Variants in RIMBP2 observed in about 807,000 individuals in gnomAD.
RIMBP2 encodes RIMS binding protein 2.
In RIMBP2, 48 loss-of-function variants were observed where a neutral mutation model predicts 118.6. The observed-to-expected ratio is 0.40, with a 90% confidence interval of 0.32 to 0.51. RIMBP2 has a LOEUF of 0.51. RIMBP2 is among the 20% of genes least tolerant of loss of function. RIMBP2 has a pLI of 0.41. For synonymous variants in RIMBP2, 762 were observed against 742.9 expected (o/e 1.03, Z -0.42); for missense variants, 1,551 against 1,768.3 (o/e 0.88, Z 2.20).
chr12:130,491,224 A>G (rs1363995856), intron 4 of RIMBP2, among the ~76,000 whole-genome samples: 1 of 152,180 alleles, frequency 6.6e-6, no homozygotes, highest in Admixed American at 6.5e-5. Flanking sequence ...GAAGCAGGTG[A>G]TATTTTTATT....
intron 2 of RIMBP2, among the ~76,000 whole-genome samples, chr12:130,542,577 C>T (rs1391357808): frequency 1.3e-5 from 2 of 152,160 alleles, no homozygotes; most frequent in Admixed American, 6.5e-5. Context: ...TTTTGAAGAA[C>T]TATTAAAGGA....
At chr12:130,449,576 A>G (rs1449358703) in intron 9 of RIMBP2, among the ~76,000 whole-genome samples, 2 of 151,732 alleles carry the variant, frequency 1.3e-5, no homozygotes, top group Non-Finnish European at 2.9e-5. Context: ...GGGGCTCTGG[A>G]CATGTCCCCT....
chr12:130,650,114 A>G (rs2063167932), intron 1 of RIMBP2, among the ~76,000 whole-genome samples: 1 of 151,860 alleles, frequency 6.6e-6, no homozygotes, highest in South Asian at 2.1e-4. Flanking sequence ...CAGGCAACCA[A>G]GGAGGCAGTC....
intron 6 of RIMBP2, among the ~76,000 whole-genome samples, chr12:130,461,673 T>C (rs968733588): frequency 6.6e-6 from 1 of 152,072 alleles, no homozygotes; most frequent in Non-Finnish European, 1.5e-5. Context: ...GTCCTTGCCA[T>C]AATGAGCAGG....
chr12:130,574,857 T>C (rs1016865562), intron 2 of RIMBP2, among the ~76,000 whole-genome samples: 1 of 152,086 alleles, frequency 6.6e-6, no homozygotes, highest in Admixed American at 6.5e-5. Context: ...GACAACTTCC[T>C]AGACCCCTTC....
intron 1 of RIMBP2, among the ~76,000 whole-genome samples, chr12:130,641,592 A>G (rs2141028606): frequency 6.6e-6 from 1 of 152,350 alleles, no homozygotes; most frequent in South Asian, 2.1e-4. Context: ...CTTCTCTGCT[A>G]ATCAGCCTCA....
At chr12:130,664,491 C>CA (rs1232270070) in intron 1 of RIMBP2, among the ~76,000 whole-genome samples, 10 of 111,534 alleles carry the variant, frequency 9.0e-5, no homozygotes, top group African/African-American at 3.1e-4. Context: ...GCATCACACA[C>CA]TCCCCATCCT....
rs2080798218 is a variant in RIMBP2 at position 130,469,311 on chromosome 12, C to G, written c.153+1382G>C. The G allele has an allele frequency of 6.6e-6, 1 of 152,426 alleles. No homozygotes were observed. The highest frequency in any genetic ancestry group is 6.5e-5 in the Admixed American group (1 of 15,276). The allele number at this position is 152,426 out of a possible 1,614,324, so 9.4% of individuals were successfully genotyped here. On this transcript the variant is annotated intron_variant, in intron 6 of 22. Transcript: ENST00000690449. This position sits in a 1 kb window ranked among gnomAD's most constrained non-coding sequence, Gnocchi z 4.8. ...CACCACATTTGAAAGCATGCACCAC[C>G]AGCAGCACGGGGTGACAGGTGACAG...
intron 17 of RIMBP2, among the ~76,000 whole-genome samples, chr12:130,418,565 C>T (rs1172056641): frequency 1.3e-5 from 2 of 152,112 alleles, no homozygotes; most frequent in African/African-American, 4.8e-5. Context: ...CGGAAAAATG[C>T]CAGTGGAGGA....
intron 2 of RIMBP2, among the ~76,000 whole-genome samples, chr12:130,540,310 T>C (rs984646020): frequency 1.3e-5 from 2 of 152,166 alleles, no homozygotes; most frequent in Non-Finnish European, 2.9e-5. Flanking sequence ...CTGGTGTGGT[T>C]GGCTGAGACA....
rs1309561332 is a variant in RIMBP2, at chr12:130,420,996, A to T, written c.3238+1457T>A. The T allele has an allele frequency of 6.6e-6, 1 of 152,164 alleles. No individual in the cohort carries two copies. The highest frequency in any genetic ancestry group is 2.4e-5 in the African/African-American group (1 of 41,426). The allele number at this position is 152,164 out of a possible 1,614,324, so 9.4% of individuals were successfully genotyped here. On this transcript the variant is annotated intron_variant, in intron 17 of 22. Transcript: ENST00000690449. This position sits in a 1 kb window ranked among gnomAD's most constrained non-coding sequence, Gnocchi z 4.3. ...CCATGCTTGCAGTCTTCACTCATTA[A>T]AGTTACAGTCAAATGAAGACTCGAA... is the stretch of plus-strand genomic sequence containing the variant.
At position 130,397,221 on chromosome 12, in the gene RIMBP2, T is replaced by C; in HGVS notation, c.*140A>G. The C allele has an allele frequency of 2.6e-6, 1 of 388,466 alleles. No individual in the cohort carries two copies. Among genetic ancestry groups the C allele is most frequent in the Non-Finnish European group, 4.5e-6 (1 of 219,940 alleles). The allele number at this position is 388,466 out of a possible 1,614,324, so 24.1% of individuals were successfully genotyped here. A position where few individuals can be genotyped will look rare whatever the true frequency, so the allele number is the denominator to read the frequency against. On this transcript the variant is annotated 3_prime_UTR_variant, in exon 23 of 23. Transcript: ENST00000690449. ...TGTTCTCGTGGTTGGTTTAAAGTGG[T>C]TGGTAGTGCAAAAGTGCATTTCTCT...
At chr12:130,580,765 C>T (rs1443602120) in intron 2 of RIMBP2, among the ~76,000 whole-genome samples, 1 of 152,038 alleles carries the variant, frequency 6.6e-6, no homozygotes, top group African/African-American at 2.4e-5. Context: ...CATGGTGAAA[C>T]CCCATCTCTA....
intron 2 of RIMBP2, among the ~76,000 whole-genome samples, chr12:130,533,068 C>T (rs987433029): frequency 2.7e-5 from 4 of 147,830 alleles, no homozygotes; most frequent in Non-Finnish European, 4.5e-5. Context: ...TAATGAGATG[C>T]GTATGTTTAG....
At chr12:130,610,214 C>T (rs926463930) in intron 2 of RIMBP2, among the ~76,000 whole-genome samples, 1 of 151,416 alleles carries the variant, frequency 6.6e-6, no homozygotes, top group South Asian at 2.1e-4. Context: ...CTCCCGGTCC[C>T]TCCCGTTCTG....
intron 1 of RIMBP2, among the ~76,000 whole-genome samples, chr12:130,672,919 A>C (rs1033840647): frequency 5.3e-5 from 8 of 152,186 alleles, no homozygotes; most frequent in Admixed American, 2.6e-4. Flanking sequence ...CGTCACCTTC[A>C]CACTTTCCTC....
rs146840461 is a variant in RIMBP2 at position 130,684,819 on chromosome 12, C to A, written c.-352+31403G>T. On this transcript the variant is annotated intron_variant, in intron 1 of 22. Coordinates refer to ENST00000690449, the MANE Select transcript of RIMBP2 (RefSeq NM_001393629.1). ...ACGAGTATTACCCTTAGGGTGGACACCTTCCTTCTCTTACTTTCGGGACTG... is the reference window on the plus strand; with the variant it reads ...ACGAGTATTACCCTTAGGGTGGACAACTTCCTTCTCTTACTTTCGGGACTG... Among the ~76,000 whole-genome samples, 759 of 152,270 alleles carry A rather than the reference C, an allele frequency of 5.0e-3. 6 individuals are homozygous for A. The highest frequency in any genetic ancestry group is 0.017 in the African/African-American group (716 of 41,540).
intron 11 of RIMBP2, among the ~76,000 whole-genome samples, chr12:130,439,429 GTA>G (rs1172582278): frequency 6.7e-6 from 1 of 149,210 alleles, no homozygotes; most frequent in Non-Finnish European, 1.5e-5. Flanking sequence ...GGGTATATGT[GTA>G]TGTGGGTGTG....
intron 1 of RIMBP2, among the ~76,000 whole-genome samples, chr12:130,641,119 A>C (rs2062598814): frequency 6.6e-6 from 1 of 152,192 alleles, no homozygotes; most frequent in East Asian, 1.9e-4. Flanking sequence ...ATGCCAGCAC[A>C]GTGCTCTACT....
Sources: allele counts gnomAD v4.1 joint callset (sites outside exome capture counted in the v4.1 genomes callset), GRCh38; gene constraint gnomAD v4.1.1; non-coding constraint Gnocchi (gnomAD v3.1); transcripts MANE v1.5; gene names NCBI Gene and HGNC (gene_info 2026-07-23, HGNC 2026-07-21).